FAM120B: variants seen among roughly 807,000 people sequenced by gnomAD.
FAM120B encodes the protein constitutive coactivator of peroxisome proliferator-activated receptor gamma.
FAM120B carries 83 observed loss-of-function variants against 96.3 expected under a neutral mutation model. The ratio of observed to expected loss-of-function variants is 0.86; its 90% CI spans 0.72 to 1.03. The LOEUF (loss-of-function observed/expected upper bound fraction) is 1.03. Among genes scored for constraint, FAM120B ranks in the 50% least tolerant of loss-of-function variants. The pLI is 0.00. For synonymous variants in FAM120B, 407 were observed against 402.7 expected (o/e 1.01, Z -0.13); for missense variants, 1,027 against 1,121.2 (o/e 0.92, Z 1.20).
chr6:170,319,362 T>C (rs918546225), intron 2 of FAM120B, among the ~76,000 whole-genome samples: 4 of 152,176 alleles, frequency 2.6e-5, no homozygotes, highest in Non-Finnish European at 5.9e-5. Flanking sequence ...AAGAGAACAT[T>C]GTGGGTTAAA....
intron 8 of FAM120B, 49 bp downstream of exon 8, chr6:170,391,170 A>G (rs1790461294): frequency 1.6e-6 from 2 of 1,230,274 alleles, no homozygotes; most frequent in Non-Finnish European, 2.4e-6. Context: ...GTAGACCCTA[A>G]CTGCTTCCTG....
Position 170,317,765 on chromosome 6 carries a change from G to A in FAM120B, c.375G>A (p.Gln125=). Residue 125 remains glutamine (Q), a synonymous_variant, in exon 2 of 11, where the codon CAG becomes CAA. Transcript: ENST00000476287. ...IFHYIKSHKE[Q]PGRNMFFIPS... is the part of the protein sequence containing the mutation. The stretch of plus-strand genomic sequence containing the variant: ...ATTACATCAAGTCACACAAGGAGCA[G>A]CCAGGCAGAAATATGTTCTTCATCC... 1 of 1,614,176 alleles carries A rather than the reference G, an allele frequency of 6.2e-7. No individual in the cohort carries two copies. The highest frequency in any genetic ancestry group is 2.2e-5 in the East Asian group (1 of 44,884).
intron 1 of FAM120B, among the ~76,000 whole-genome samples, chr6:170,298,898 A>G (rs980718737): frequency 2.6e-5 from 4 of 152,200 alleles, no homozygotes; most frequent in African/African-American, 9.7e-5. Flanking sequence ...GCAGAGGGGA[A>G]CCCACACTGA....
chr6:170,318,952 C>G lies in FAM120B; in HGVS notation c.1562C>G (p.Ser521Cys), dbSNP rs575888469. ...CTDPISKQED[S>C]MCTHAEINQK... ...GATCCTATATCCAAGCAAGAAGACT[C>G]CATGTGTACACACGCTGAAATCAAT... Residue 521 changes from serine (S) to cysteine (C), a missense_variant, in exon 2 of 11, where the codon TCC (serine) becomes TGC (cysteine). Transcript: ENST00000476287. 1.2e-6 allele frequency: 2 copies of G among 1,614,174 alleles called. No individual in the cohort carries two copies. Among genetic ancestry groups the G allele is most frequent in the East Asian group, 2.2e-5 (1 of 44,876 alleles).
At chr6:170,326,386 T>TC (rs1039310344) in intron 3 of FAM120B, among the ~76,000 whole-genome samples, 3 of 152,116 alleles carry the variant, frequency 2.0e-5, no homozygotes, top group Admixed American at 6.6e-5. Flanking sequence ...CAATCTTTCT[T>TC]CCCCCCATTC....
At chr6:170,342,295 T>C (rs1786890708) in intron 4 of FAM120B, among the ~76,000 whole-genome samples, 1 of 152,204 alleles carries the variant, frequency 6.6e-6, no homozygotes, top group Admixed American at 6.5e-5. Flanking sequence ...AGCTAAAAGA[T>C]ATATGCAAGT....
chr6:170,368,823 G>GGA (rs1554287949), intron 6 of FAM120B, among the ~76,000 whole-genome samples: 10 of 125,212 alleles, frequency 8.0e-5, no homozygotes, highest in African/African-American at 1.5e-4. Flanking sequence ...CCGGGGCTGG[G>GGA]GGGGGGGCTC....
intron 3 of FAM120B, among the ~76,000 whole-genome samples, chr6:170,328,119 G>T (rs920987021): frequency 1.3e-5 from 2 of 151,924 alleles, no homozygotes; most frequent in Non-Finnish European, 2.9e-5. Context: ...TTAACTTTTT[G>T]ACTCTTGTAA....
intron 1 of FAM120B, chr6:170,297,728 A>G (rs1484216577): frequency 6.6e-6 from 1 of 152,186 alleles, no homozygotes; most frequent in Non-Finnish European, 1.5e-5. Context: ...TAGGGAGGGT[A>G]TGTTTATCAG....
At chr6:170,300,327 C>T (rs1251410464) in intron 1 of FAM120B, among the ~76,000 whole-genome samples, 1 of 152,172 alleles carries the variant, frequency 6.6e-6, no homozygotes, top group Non-Finnish European at 1.5e-5. Flanking sequence ...TGAGAACTCA[C>T]TCACTATCAC....
chr6:170,369,734 T>G (rs543662501), intron 6 of FAM120B, among the ~76,000 whole-genome samples: 7 of 149,698 alleles, frequency 4.7e-5, no homozygotes, highest in East Asian at 2.0e-4. Flanking sequence ...GACTCCTAGA[T>G]AGGAGGTTTC....
chr6:170,354,252 A>G (rs1051643669), intron 5 of FAM120B, among the ~76,000 whole-genome samples: 4 of 152,232 alleles, frequency 2.6e-5, no homozygotes, highest in Non-Finnish European at 4.4e-5. Flanking sequence ...CCTTCATTAC[A>G]CTATATACAA....
At chr6:170,398,843 A>G (rs1287631230) in intron 9 of FAM120B, among the ~76,000 whole-genome samples, 2 of 151,748 alleles carry the variant, frequency 1.3e-5, no homozygotes, top group East Asian at 3.9e-4. Flanking sequence ...GAACTATGTC[A>G]TAACTCTTAG....
rs139307586 is a variant in FAM120B at position 170,337,111 on chromosome 6, C to T, written c.2017+6561C>T. On this transcript the variant is annotated intron_variant, in intron 4 of 10. Transcript: ENST00000476287. ...GAGAGAGGGCATCCTTGTCTTGTGC[C>T]GGTTTTCAAAGGGAATGTTTCCAGC... Among the ~76,000 whole-genome samples, 8 of 152,148 alleles carry T rather than the reference C, an allele frequency of 5.3e-5. No individual in the cohort carries two copies. In the East Asian group the frequency reaches 7.7e-4, roughly 15 times the overall value.
In FAM120B at chr6:170,356,909, C is replaced by A. The variant is rs921354953; in HGVS notation, c.2191-1317C>A. Among the ~76,000 whole-genome samples the A allele has an allele frequency of 4.6e-5, 7 of 152,026 alleles. No homozygotes were observed. The East Asian group carries it at 5.8e-4, about 13-fold the overall frequency. Reference sequence around the variant, plus strand: ...ATATTCCTTTTATTCCAAAGTAATACCTACTTGGAATAAAAGTGGACTAGG... The same window carrying A: ...ATATTCCTTTTATTCCAAAGTAATAACTACTTGGAATAAAAGTGGACTAGG... On this transcript the variant is annotated intron_variant, in intron 5 of 10. Transcript: ENST00000476287.
chr6:170,371,023 A>G (rs866851163), intron 6 of FAM120B, among the ~76,000 whole-genome samples: 1 of 152,132 alleles, frequency 6.6e-6, no homozygotes, highest in African/African-American at 2.4e-5. Context: ...CAGTTCACCC[A>G]TTTAAGGTGT....
At chr6:170,334,152 A>G (rs550401548) in intron 4 of FAM120B, among the ~76,000 whole-genome samples, 1 of 152,198 alleles carries the variant, frequency 6.6e-6, no homozygotes, top group African/African-American at 2.4e-5. Context: ...TTGTTTTTTT[A>G]AGTTACTTTA....
At chr6:170,353,266 C>G (rs1787693598) in intron 5 of FAM120B, among the ~76,000 whole-genome samples, 1 of 151,420 alleles carries the variant, frequency 6.6e-6, no homozygotes, top group South Asian at 2.1e-4. Flanking sequence ...GCTTACCAAA[C>G]AAACAAAAAA....
At chr6:170,389,045 C>T (rs1416744610) in intron 7 of FAM120B, among the ~76,000 whole-genome samples, 1 of 152,108 alleles carries the variant, frequency 6.6e-6, no homozygotes, top group Admixed American at 6.6e-5. Flanking sequence ...ATCATCCTCA[C>T]ATTGAGTGGG....
Sources: gnomAD v4.1 joint callset for allele counts (sites outside exome capture counted in the v4.1 genomes callset) on GRCh38, gnomAD v4.1.1 for gene constraint, MANE v1.5 for transcripts, NCBI Gene and HGNC (gene_info 2026-07-23, HGNC 2026-07-21) for gene names.